Variants in DOCK9 observed in about 807,000 individuals in gnomAD.
DOCK9 encodes the protein dedicator of cytokinesis 9.
In DOCK9, 89 loss-of-function variants were observed where a neutral mutation model predicts 263.3. The observed-to-expected ratio is 0.34, with a 90% confidence interval of 0.28 to 0.40. DOCK9 has a LOEUF of 0.40. Among genes scored for constraint, DOCK9 ranks in the 10% least tolerant of loss-of-function variants. The pLI, the probability that DOCK9 is intolerant of heterozygous loss-of-function variation, is 1.00. For synonymous variants in DOCK9, 976 were observed against 973.1 expected, an observed-to-expected ratio of 1.00 and a Z score of -0.06; for missense variants, 2,140 against 2,603.4, an observed-to-expected ratio of 0.82 and a Z score of 3.87.
intron 1 of DOCK9, among the ~76,000 whole-genome samples, chr13:99,046,459 G>A (rs535050432): frequency 1.2e-4 from 19 of 152,340 alleles, no homozygotes; most frequent in African/African-American, 4.3e-4. Flanking sequence ...AGGATTTTGC[G>A]CCCAGTATGC....
intron 49 of DOCK9, among the ~76,000 whole-genome samples, chr13:98,801,565 C>G (rs1197532164): frequency 1.3e-5 from 2 of 152,004 alleles, no homozygotes; most frequent in African/African-American, 2.4e-5. Flanking sequence ...TAAAAATGAA[C>G]AGAAAAACAG....
At chr13:99,086,048 C>T (rs2042326607) in intron 1 of DOCK9, among the ~76,000 whole-genome samples, 1 of 152,110 alleles carries the variant, frequency 6.6e-6, no homozygotes, top group African/African-American at 2.4e-5. Flanking sequence ...CCCTCCAGGA[C>T]CTTCTCTTCT....
intron 1 of DOCK9, among the ~76,000 whole-genome samples, chr13:99,002,537 C>T (rs1245337988): frequency 3.3e-5 from 5 of 152,226 alleles, no homozygotes; most frequent in African/African-American, 1.2e-4. Flanking sequence ...TCCTTCTCCA[C>T]GGTCCCTGGT....
At chr13:98,923,231 T>G in intron 5 of DOCK9, 71 bp downstream of exon 5, 10 of 1,438,814 alleles carry the variant, frequency 7.0e-6, no homozygotes, top group Non-Finnish European at 9.7e-6. Context: ...TTCTAACTAA[T>G]CTTCTAAGTC....
intron 1 of DOCK9, among the ~76,000 whole-genome samples, chr13:98,972,121 T>C (rs1049350255): frequency 6.6e-6 from 1 of 152,218 alleles, no homozygotes; most frequent in Non-Finnish European, 1.5e-5. Context: ...TTATTGAATG[T>C]GTAACTTTGA....
chr13:98,861,244 C>G (rs9513499), intron 32 of DOCK9, among the ~76,000 whole-genome samples: 1 of 151,968 alleles, frequency 6.6e-6, no homozygotes, highest in East Asian at 1.9e-4. Flanking sequence ...GCTATACACA[C>G]GGCTCAGCTC....
chr13:98,851,121 T>C (rs549443043), intron 35 of DOCK9, among the ~76,000 whole-genome samples: 28 of 152,184 alleles, frequency 1.8e-4, no homozygotes, highest in Non-Finnish European at 3.8e-4. Context: ...GCTCTCACAA[T>C]TTCACATAGA....
At chr13:99,022,303 T>C (rs148783796) in intron 1 of DOCK9, among the ~76,000 whole-genome samples, 222 of 152,274 alleles carry the variant, frequency 1.5e-3, no homozygotes, top group African/African-American at 5.0e-3. Context: ...AAGTAAAATA[T>C]TTTTGCTAAA....
At chr13:98,981,626 G>T (rs1567168091), upstream of DOCK9, among the ~76,000 whole-genome samples, 1 of 152,226 alleles carries the variant, frequency 6.6e-6, no homozygotes, top group African/African-American at 2.4e-5. Context: ...GAGGAGAGAA[G>T]AAACTGCTGT....
At chr13:99,006,901 GACA>G (rs1391091087) in intron 1 of DOCK9, among the ~76,000 whole-genome samples, 2 of 151,950 alleles carry the variant, frequency 1.3e-5, no homozygotes, top group African/African-American at 4.8e-5. Context: ...AGACCAACCT[GACA>G]ACAAGGTGAA....
intron 35 of DOCK9, among the ~76,000 whole-genome samples, chr13:98,850,787 A>G (rs1334460832): frequency 6.6e-6 from 1 of 152,200 alleles, no homozygotes; most frequent in African/African-American, 2.4e-5. Context: ...GCTGTACCCA[A>G]TGGTATGTGC....
intron 44 of DOCK9, 80 bp from the exon 45 acceptor site, chr13:98,824,584 T>C: frequency 8.0e-7 from 1 of 1,255,080 alleles, no homozygotes; most frequent in Non-Finnish European, 1.2e-6. Context: ...CTGCCCTGTG[T>C]GTTTCTGTGT....
At position 98,794,183 on chromosome 13, in the gene DOCK9, C is replaced by G. The variant is rs2089044067; in HGVS notation, c.*443G>C. 6.4e-6 allele frequency: 1 copy of G among 156,110 alleles called. No individual in the cohort carries two copies. The highest frequency in any genetic ancestry group is 2.1e-4 in the South Asian group (1 of 4,864). The allele number at this position is 156,110 out of a possible 1,614,324, so 9.7% of individuals were successfully genotyped here. ...TAGTCACAAAAATAGTTCTTGTATTCAACCTGAATGTGCCACAGGAAAAAA... is the reference window on the plus strand; with the variant it reads ...TAGTCACAAAAATAGTTCTTGTATTGAACCTGAATGTGCCACAGGAAAAAA... On this transcript the variant is annotated 3_prime_UTR_variant, in exon 53 of 53. Transcript: ENST00000682017.
At chr13:98,934,922 A>G (rs2054571086) in intron 2 of DOCK9, among the ~76,000 whole-genome samples, 2 of 152,226 alleles carry the variant, frequency 1.3e-5, no homozygotes, top group Non-Finnish European at 1.5e-5. Context: ...GCAGCTGGAG[A>G]CACAAAGTTT....
At chr13:99,017,541 C>T (rs985691369) in intron 1 of DOCK9, among the ~76,000 whole-genome samples, 4 of 151,868 alleles carry the variant, frequency 2.6e-5, no homozygotes, top group African/African-American at 9.7e-5. Context: ...TGAACTTTAC[C>T]GAGAATTAGA....
At chr13:98,881,654 AAAG>A (rs774672787) in intron 24 of DOCK9, 27 bp from the exon 25 acceptor site, 1 of 1,584,742 alleles carries the variant, frequency 6.3e-7, no homozygotes, top group South Asian at 1.2e-5. Flanking sequence ...TGAATAAAGC[AAAG>A]AATATGTAAA....
rs1878455862 is a variant in DOCK9, at chr13:98,986,393, CGTACTTCTGCA to C, written c.130-30853_130-30843del. Among the ~76,000 whole-genome samples, 7 of 152,320 alleles carry C rather than the reference CGTACTTCTGCA, an allele frequency of 4.6e-5. 1 individual carries two copies. In the South Asian group the frequency reaches 1.5e-3, roughly 32 times the overall value. ...CAGGCCGCCAGGCCAACTCTAGACTCGTACTTCTGCAAAAAGGAACACACTCTCAGGTTACA... is the reference window on the plus strand; with the variant it reads ...CAGGCCGCCAGGCCAACTCTAGACTCAAAAGGAACACACTCTCAGGTTACA... On this transcript the variant is annotated intron_variant, in intron 1 of 32. Transcript: ENST00000427887.
At chr13:98,938,113 G>A (rs142000035) in intron 2 of DOCK9, among the ~76,000 whole-genome samples, 4 of 152,320 alleles carry the variant, frequency 2.6e-5, no homozygotes, top group East Asian at 1.9e-4. Context: ...CAACCTGGCC[G>A]GGGCTCTGTC....
chr13:98,822,832 T>C (rs549698869), intron 45 of DOCK9, among the ~76,000 whole-genome samples: 4 of 152,214 alleles, frequency 2.6e-5, no homozygotes, highest in Non-Finnish European at 5.9e-5. Flanking sequence ...TATTTAAACA[T>C]GAAGTACACT....
Sources: gnomAD v4.1 joint callset for allele counts (sites outside exome capture counted in the v4.1 genomes callset) on GRCh38, gnomAD v4.1.1 for gene constraint, MANE v1.5 for transcripts, NCBI Gene and HGNC (gene_info 2026-07-23, HGNC 2026-07-21) for gene names.